PSD3: variants seen among roughly 807,000 people sequenced by gnomAD.
PSD3 encodes PH and SEC7 domain-containing protein 3.
Under a neutral mutation model 105.5 loss-of-function variants are expected in PSD3, and 49 were observed. That is an observed-to-expected ratio of 0.46 (90% CI 0.37 to 0.59). The LOEUF (loss-of-function observed/expected upper bound fraction) is 0.59, where lower values mean the gene tolerates loss of function less well. Ranked by LOEUF, PSD3 falls within the 20% of genes least tolerant of loss-of-function variation. The probability of loss-of-function intolerance (pLI) is 0.00; values close to 1 mark genes in which losing one functional copy is unlikely to be tolerated. For missense variants in PSD3, 1,561 were observed against 1,263.8 expected, an observed-to-expected ratio of 1.24 and a Z score of -3.57; for synonymous variants, 557 against 457.8, an observed-to-expected ratio of 1.22 and a Z score of -2.77.
At chr8:19,033,786 C>T (rs781432000) in intron 1 of PSD3, among the ~76,000 whole-genome samples, 2 of 152,078 alleles carry the variant, frequency 1.3e-5, no homozygotes, top group African/African-American at 4.8e-5. Context: ...CCACAAACAA[C>T]TCTATAACTG....
intron 8 of PSD3, among the ~76,000 whole-genome samples, chr8:18,798,873 G>A (rs1383419882): frequency 7.2e-6 from 1 of 139,502 alleles, no homozygotes; most frequent in Non-Finnish European, 1.6e-5. Flanking sequence ...GACTAGATAA[G>A]CTGAGGGGCA....
chr8:18,943,177 T>C (rs1438720810), intron 1 of PSD3, among the ~76,000 whole-genome samples: 2 of 152,210 alleles, frequency 1.3e-5, no homozygotes, highest in African/African-American at 2.4e-5. Flanking sequence ...AAAAAGACTC[T>C]TGTTCACTCA....
At chr8:18,769,814 A>C (rs2129444168) in intron 8 of PSD3, among the ~76,000 whole-genome samples, 1 of 152,346 alleles carries the variant, frequency 6.6e-6, no homozygotes, top group Middle Eastern at 3.4e-3. Context: ...ATCAGTATTT[A>C]ATGTCCTTTT....
intron 2 of PSD3, among the ~76,000 whole-genome samples, chr8:18,916,437 C>T (rs750113619): frequency 4.2e-4 from 63 of 148,600 alleles, no homozygotes; most frequent in Non-Finnish European, 8.6e-4. Context: ...TGTGACAAAA[C>T]GGATAAACCT....
intron 4 of PSD3, among the ~76,000 whole-genome samples, chr8:18,837,077 A>G (rs76026858): frequency 5.5e-4 from 84 of 152,224 alleles, no homozygotes; most frequent in Non-Finnish European, 1.0e-3. Flanking sequence ...CTAGGAGCCT[A>G]CAAGGTAGGA....
chr8:18,604,177 G>C (rs764442044), intron 11 of PSD3, among the ~76,000 whole-genome samples: 1 of 152,200 alleles, frequency 6.6e-6, no homozygotes, highest in Non-Finnish European at 1.5e-5. Context: ...CTGGATGAAT[G>C]GTTATGACCA....
intron 1 of PSD3, among the ~76,000 whole-genome samples, chr8:19,008,126 G>C (rs1826781331): frequency 6.6e-6 from 1 of 152,212 alleles, no homozygotes; most frequent in Admixed American, 6.5e-5. Flanking sequence ...TTACAGGCGT[G>C]AGCCATGGCG....
At chr8:18,850,129 T>C (rs1815444042) in intron 4 of PSD3, among the ~76,000 whole-genome samples, 2 of 152,066 alleles carry the variant, frequency 1.3e-5, no homozygotes. Flanking sequence ...ATACAGATAA[T>C]AAAGAGCTTG....
intron 9 of PSD3, among the ~76,000 whole-genome samples, chr8:18,673,885 T>C (rs1799926729): frequency 6.6e-6 from 1 of 152,100 alleles, no homozygotes; most frequent in East Asian, 1.9e-4. Flanking sequence ...CTCATACCTG[T>C]AATCCCAACG....
chr8:18,808,484 T>C (rs1387119995), intron 4 of PSD3, among the ~76,000 whole-genome samples: 1 of 152,226 alleles, frequency 6.6e-6, no homozygotes. Context: ...TATTTGCCCC[T>C]TTTCTACTAT....
intron 2 of PSD3, among the ~76,000 whole-genome samples, chr8:18,899,535 G>A (rs1264401483): frequency 6.6e-6 from 1 of 152,038 alleles, no homozygotes; most frequent in Non-Finnish European, 1.5e-5. Context: ...TGTGTGTAGT[G>A]AGCCTTAATG....
chr8:18,764,148 C>T (rs1405273548), intron 9 of PSD3, among the ~76,000 whole-genome samples: 2 of 152,160 alleles, frequency 1.3e-5, no homozygotes, highest in Admixed American at 6.5e-5. Context: ...AAAAGCTTCA[C>T]TATGAAAATT....
At chr8:18,751,738 A>C (rs75875009) in intron 9 of PSD3, among the ~76,000 whole-genome samples, 20,864 of 131,362 alleles carry the variant, frequency 0.16, 2,077 homozygotes, top group African/African-American at 0.4. Flanking sequence ...AGGTGTTTTT[A>C]TCCCATGCCG....
intron 9 of PSD3, among the ~76,000 whole-genome samples, chr8:18,692,387 A>G (rs943113471): frequency 6.6e-6 from 1 of 152,184 alleles, no homozygotes; most frequent in South Asian, 2.1e-4. Context: ...AGCAATTGGA[A>G]TGGGCCTGGC....
rs150857484 is a variant in PSD3, at chr8:18,607,901, T to G, written c.2411-7467A>C. ...TTCACATAGCAGCAGCAAGGAGAAG[T>G]GCCGAGCAAAAAGGGGAAAAGCCCC... On this transcript the variant is annotated intron_variant, in intron 11 of 15. Transcript: ENST00000327040. 3.9e-4 allele frequency among the ~76,000 whole-genome samples: 59 copies of G among 152,078 alleles called. No homozygotes were observed. The East Asian group carries it at 0.011, about 29-fold the overall frequency.
chr8:18,771,677 T>C (rs1272603109), intron 8 of PSD3, among the ~76,000 whole-genome samples: 1 of 152,236 alleles, frequency 6.6e-6, no homozygotes, highest in Non-Finnish European at 1.5e-5. Context: ...TTTTAGACAC[T>C]TGATTATACT....
chr8:18,928,561 A>G (rs1821524020), intron 2 of PSD3, among the ~76,000 whole-genome samples: 1 of 152,230 alleles, frequency 6.6e-6, no homozygotes, highest in African/African-American at 2.4e-5. Flanking sequence ...AAAACTAGTC[A>G]TAACAATGAT....
chr8:18,771,821 G>A lies in PSD3; in HGVS notation c.2083-6283C>T, dbSNP rs75277958. ...ACATTAGTATATTCACACTGTTGTG[G>A]AACAGAATTCCAAAACTTTTTCACC... On this transcript the variant is annotated intron_variant, in intron 8 of 15. Transcript: ENST00000327040. Among the ~76,000 whole-genome samples, 115 of 152,146 alleles carry A rather than the reference G, an allele frequency of 7.6e-4. 1 individual carries two copies. Among genetic ancestry groups the A allele is most frequent in the Non-Finnish European group, 5.9e-4 (40 of 68,028 alleles).
At chr8:18,745,761 A>G (rs1467729195) in intron 9 of PSD3, among the ~76,000 whole-genome samples, 2 of 152,216 alleles carry the variant, frequency 1.3e-5, no homozygotes, top group Non-Finnish European at 2.9e-5. Context: ...CATACCCATC[A>G]TGCAAACTCA....
Sources: gnomAD v4.1 joint callset for allele counts (sites outside exome capture counted in the v4.1 genomes callset) on GRCh38, gnomAD v4.1.1 for gene constraint, MANE v1.5 for transcripts, NCBI Gene and HGNC (gene_info 2026-07-23, HGNC 2026-07-21) for gene names.